Variants in TFDP2 observed in about 807,000 individuals in gnomAD.
The protein encoded by TFDP2 is transcription factor Dp-2, also known as transcription factor Dp-2 (E2F dimerization partner 2).
A neutral mutation model predicts 59.3 loss-of-function variants in TFDP2; 17 were observed. That is an observed-to-expected ratio of 0.29 (90% CI 0.20 to 0.43). The LOEUF (loss-of-function observed/expected upper bound fraction) is 0.43, where lower values mean the gene tolerates loss of function less well. Ranked by LOEUF, TFDP2 falls within the 20% of genes least tolerant of loss-of-function variation. The pLI is 1.00. For missense variants in TFDP2, 391 were observed against 528.8 expected, an observed-to-expected ratio of 0.74 and a Z score of 2.56; for synonymous variants, 180 against 194.7, an observed-to-expected ratio of 0.92 and a Z score of 0.63.
At chr3:142,130,488 T>C (rs150719917) in intron 1 of TFDP2, among the ~76,000 whole-genome samples, 5 of 151,460 alleles carry the variant, frequency 3.3e-5, no homozygotes, top group African/African-American at 1.2e-4. Context: ...GTATTTACTA[T>C]TTCTTTTTTT....
intron 1 of TFDP2, chr3:142,145,631 C>T (rs1046879869): frequency 2.0e-5 from 3 of 151,882 alleles, no homozygotes; most frequent in East Asian, 1.9e-4. Context: ...CCCAGCAACT[C>T]GGGAGGCTGG....
At chr3:142,062,808 AT>A (rs1330480135) in intron 3 of TFDP2, among the ~76,000 whole-genome samples, 32 of 152,350 alleles carry the variant, frequency 2.1e-4, no homozygotes, top group Admixed American at 1.6e-3. Context: ...TTACATAGCA[AT>A]GAGAAAGGAT....
chr3:142,049,200 T>C (rs552758930), intron 3 of TFDP2, among the ~76,000 whole-genome samples: 102 of 152,266 alleles, frequency 6.7e-4, no homozygotes, highest in African/African-American at 2.4e-3. Context: ...ATATCCCTCA[T>C]GAACACTCAC....
chr3:142,060,520 T>C (rs2059883913), intron 3 of TFDP2, among the ~76,000 whole-genome samples: 1 of 152,332 alleles, frequency 6.6e-6, no homozygotes, highest in Middle Eastern at 3.4e-3. Context: ...CCATGTTGTC[T>C]CAATAGCCTG....
At chr3:142,145,224 T>C (rs1200978509) in intron 1 of TFDP2, among the ~76,000 whole-genome samples, 1 of 152,146 alleles carries the variant, frequency 6.6e-6, no homozygotes, top group African/African-American at 2.4e-5. Flanking sequence ...TTCAACAAGG[T>C]ATATTGCTCC....
In TFDP2 at chr3:142,026,067, T is replaced by C. The variant is rs1006125660; in HGVS notation, c.83-20523A>G. On this transcript the variant is annotated intron_variant, in intron 3 of 12. Transcript: ENST00000489671. ...TGGCTCACGCCCATAATCCCAGCACTCTGGGAGGCCGAGGTAGGCGGATCT... is the reference window on the plus strand; with the variant it reads ...TGGCTCACGCCCATAATCCCAGCACCCTGGGAGGCCGAGGTAGGCGGATCT... Among the ~76,000 whole-genome samples the C allele has an allele frequency of 2.0e-5, 3 of 152,280 alleles. No individual in the cohort carries two copies. The East Asian group carries it at 5.8e-4, about 29-fold the overall frequency.
intron 3 of TFDP2, among the ~76,000 whole-genome samples, chr3:142,064,429 A>T (rs1418119349): frequency 6.6e-6 from 1 of 152,172 alleles, no homozygotes; most frequent in Non-Finnish European, 1.5e-5. Flanking sequence ...CTACTGACTT[A>T]AAGTATTCCC....
chr3:142,035,271 A>C (rs1299768124), intron 3 of TFDP2, among the ~76,000 whole-genome samples: 1 of 152,220 alleles, frequency 6.6e-6, no homozygotes, highest in Non-Finnish European at 1.5e-5. Flanking sequence ...AAAAACTTTC[A>C]GTAGTTCCTG....
chr3:142,081,145 C>T (rs776282791), intron 3 of TFDP2, among the ~76,000 whole-genome samples: 17 of 152,026 alleles, frequency 1.1e-4, no homozygotes, highest in East Asian at 1.9e-4. Context: ...CTTCTCTGAC[C>T]ACAATGGAAT....
intron 1 of TFDP2, among the ~76,000 whole-genome samples, chr3:142,132,804 A>T (rs1189022666): frequency 6.7e-6 from 1 of 149,402 alleles, no homozygotes; most frequent in Non-Finnish European, 1.5e-5. Context: ...AGCTTTAAAA[A>T]AAAAAACCGT....
intron 3 of TFDP2, among the ~76,000 whole-genome samples, chr3:142,062,257 G>A (rs2059941101): frequency 6.6e-6 from 1 of 151,834 alleles, no homozygotes; most frequent in Non-Finnish European, 1.5e-5. Context: ...CATGTTATCG[G>A]TAAGGCTTTT....
At chr3:142,061,653 G>T (rs1408727281) in intron 3 of TFDP2, among the ~76,000 whole-genome samples, 1 of 151,960 alleles carries the variant, frequency 6.6e-6, no homozygotes, top group African/African-American at 2.4e-5. Context: ...TGGTTCTGAG[G>T]CCTCTGGCCT....
At chr3:142,017,151 T>C (rs903274840) in intron 3 of TFDP2, among the ~76,000 whole-genome samples, 2 of 152,242 alleles carry the variant, frequency 1.3e-5, no homozygotes, top group Admixed American at 6.5e-5. Flanking sequence ...TAATTTACTA[T>C]ACTTTATTTT....
At chr3:142,098,630 G>A (rs965663300) in intron 2 of TFDP2, among the ~76,000 whole-genome samples, 3 of 152,126 alleles carry the variant, frequency 2.0e-5, no homozygotes, top group Non-Finnish European at 4.4e-5. Context: ...AAGGGGCCAG[G>A]TGCAGTGGCT....
At chr3:142,130,928 C>T (rs1413360463) in intron 1 of TFDP2, among the ~76,000 whole-genome samples, 1 of 140,758 alleles carries the variant, frequency 7.1e-6, no homozygotes, top group Non-Finnish European at 1.5e-5. Context: ...TGGTGGGCGC[C>T]TGTAATCTCA....
chr3:142,035,431 C>G (rs1324678335), intron 3 of TFDP2, among the ~76,000 whole-genome samples: 1 of 152,202 alleles, frequency 6.6e-6, no homozygotes, highest in African/African-American at 2.4e-5. Context: ...AATCAAGAGT[C>G]TCATTTGACT....
chr3:141,977,873 G>T (rs1430151863), intron 7 of TFDP2, among the ~76,000 whole-genome samples: 1 of 151,526 alleles, frequency 6.6e-6, no homozygotes, highest in African/African-American at 2.4e-5. Flanking sequence ...ACCATGCCTG[G>T]CTAATTTTTT....
intron 7 of TFDP2, 40 bp from the exon 8 acceptor site, chr3:141,974,231 G>GTTAA: frequency 6.6e-7 from 1 of 1,523,358 alleles, no homozygotes; most frequent in Non-Finnish European, 8.8e-7. Context: ...AATCTTAAGG[G>GTTAA]TTAAGATACA....
intron 10 of TFDP2, 81 bp downstream of exon 10, chr3:141,963,731 T>G (rs759166503): frequency 2.3e-5 from 35 of 1,490,818 alleles, no homozygotes; most frequent in Non-Finnish European, 3.2e-5. Context: ...ACTAATAAAG[T>G]GCATCCTTCT....
Sources: allele counts gnomAD v4.1 joint callset (sites outside exome capture counted in the v4.1 genomes callset), GRCh38; gene constraint gnomAD v4.1.1; transcripts MANE v1.5; gene names NCBI Gene and HGNC (gene_info 2026-07-23, HGNC 2026-07-21).